RTN4: variants seen among roughly 807,000 people sequenced by gnomAD.
The protein encoded by RTN4 is reticulon-4.
Under a neutral mutation model 90.4 loss-of-function variants are expected in RTN4, and 32 were observed. The observed-to-expected ratio is 0.35, with a 90% CI of 0.27 to 0.48. The LOEUF is 0.48. Among genes scored for constraint, RTN4 ranks in the 20% least tolerant of loss-of-function variants. RTN4 has a pLI of 0.99. For missense variants in RTN4, 1,706 were observed against 1,430.2 expected (o/e 1.19, Z -3.11); for synonymous variants, 629 against 552.5 (o/e 1.14, Z -1.94).
intron 4 of RTN4, among the ~76,000 whole-genome samples, chr2:54,985,542 C>A (rs1678492142): frequency 6.6e-6 from 1 of 152,148 alleles, no homozygotes; most frequent in South Asian, 2.1e-4. Flanking sequence ...AGTGATACCA[C>A]CTATCTCACA....
chr2:55,055,129 C>T (rs895489286), upstream of RTN4, among the ~76,000 whole-genome samples: 15 of 151,984 alleles, frequency 9.9e-5, no homozygotes, highest in South Asian at 2.1e-3. Flanking sequence ...CGGTCCCCTG[C>T]ATTATTAGAA....
At chr2:55,024,672 C>T (rs989483465) in intron 3 of RTN4, among the ~76,000 whole-genome samples, 5 of 152,016 alleles carry the variant, frequency 3.3e-5, no homozygotes, top group African/African-American at 7.2e-5. Flanking sequence ...ATATTTAAAA[C>T]ATACTATAGA....
chr2:55,035,640 A>G (rs945396022), intron 1 of RTN4, among the ~76,000 whole-genome samples: 6 of 152,138 alleles, frequency 3.9e-5, no homozygotes, highest in African/African-American at 1.4e-4. Context: ...AAAAAAATCA[A>G]TGAAACAAAA....
At chr2:55,097,080 G>A (rs1244726776) in intron 1 of RTN4, among the ~76,000 whole-genome samples, 1 of 151,658 alleles carries the variant, frequency 6.6e-6, no homozygotes, top group African/African-American at 2.4e-5. Context: ...AAAGAAAAAA[G>A]TTCACCAAGC....
At chr2:55,030,620 G>A (rs1299589011) in intron 1 of RTN4, among the ~76,000 whole-genome samples, 1 of 152,144 alleles carries the variant, frequency 6.6e-6, no homozygotes, top group Admixed American at 6.5e-5. Context: ...GTGAAGGAGG[G>A]AGAGGGAAAG....
Position 55,070,218 on chromosome 2 carries a change from G to A in RTN4, c.-63+10271C>T, listed in dbSNP as rs543233186. 5.3e-5 allele frequency among the ~76,000 whole-genome samples: 8 copies of A among 152,056 alleles called. No homozygotes were observed. The East Asian group carries it at 1.5e-3, about 29-fold the overall frequency. ...GATCACCAGCTGCTACTCACTAGATGCCAGTAATACTCCAGTAATACACCC... is the reference window on the plus strand; with the variant it reads ...GATCACCAGCTGCTACTCACTAGATACCAGTAATACTCCAGTAATACACCC... On this transcript the variant is annotated intron_variant, in intron 2 of 3. Transcript: ENST00000427710.
In RTN4 at chr2:55,002,820, C is replaced by A. The variant is rs549387079; in HGVS notation, c.3014-15122G>T. Among the ~76,000 whole-genome samples, 23 of 152,280 alleles carry A rather than the reference C, an allele frequency of 1.5e-4. No homozygotes were observed. The East Asian group carries it at 4.4e-3, about 29-fold the overall frequency. ...GTAAAGAATGTTAAAATGAGAACTT[C>A]TCCTATGACAAGTCTGTATTTCTGA... On this transcript the variant is annotated intron_variant, in intron 3 of 8. Coordinates refer to ENST00000337526, the MANE Select transcript of RTN4 (RefSeq NM_020532.5).
the RTN4 span, among the ~76,000 whole-genome samples, chr2:55,130,416 T>C: frequency 1.2e-4 from 19 of 152,162 alleles, no homozygotes. Context: ...GTTAATTAGG[T>C]TGATTGTGTT....
intron 1 of RTN4, among the ~76,000 whole-genome samples, chr2:55,110,630 G>A (rs962566424): frequency 3.3e-5 from 5 of 152,100 alleles, no homozygotes; most frequent in Non-Finnish European, 7.4e-5. Context: ...GCGCATATAC[G>A]TCCATTTGGA....
chr2:55,036,968 C>A (rs76254081), intron 1 of RTN4, among the ~76,000 whole-genome samples: 1 of 152,158 alleles, frequency 6.6e-6, no homozygotes, highest in Non-Finnish European at 1.5e-5. Context: ...GACAACAGGA[C>A]TGTATAGTTG....
At chr2:54,983,576 T>C (rs1678316767) in intron 4 of RTN4, among the ~76,000 whole-genome samples, 1 of 152,180 alleles carries the variant, frequency 6.6e-6, no homozygotes, top group Non-Finnish European at 1.5e-5. Context: ...TCCCATAGTT[T>C]TACCTCTGCA....
rs1573449922 is a variant in RTN4, at chr2:55,038,400, T to C, written c.557-10180A>G. ...AGACCAAAGATTTGTATTCATAATA[T>C]ATAGAGAGAACTCTTACAAATATGT... On this transcript the variant is annotated intron_variant, in intron 1 of 8. Transcript: ENST00000337526. Among the ~76,000 whole-genome samples the C allele has an allele frequency of 2.0e-5, 3 of 152,122 alleles. No individual in the cohort carries two copies. The South Asian group carries it at 6.2e-4, about 32-fold the overall frequency.
At chr2:54,982,874 C>A (rs1167741916) in intron 4 of RTN4, among the ~76,000 whole-genome samples, 2 of 152,166 alleles carry the variant, frequency 1.3e-5, no homozygotes, top group East Asian at 1.9e-4. Context: ...TGAAGCCAGA[C>A]TGATCTGGGC....
chr2:55,062,868 C>T (rs60109716), intron 2 of RTN4, among the ~76,000 whole-genome samples: 2,702 of 152,302 alleles, frequency 0.018, 80 homozygotes, highest in African/African-American at 0.062. Context: ...CAATTTTTAA[C>T]AGTGTGTATA....
the RTN4 span, among the ~76,000 whole-genome samples, chr2:55,121,450 A>G: frequency 6.6e-6 from 1 of 152,180 alleles, no homozygotes. Flanking sequence ...CATTACCACT[A>G]TTTCTCCTTC....
chr2:54,975,188 T>A (rs1170693384), intron 5 of RTN4, among the ~76,000 whole-genome samples: 1 of 152,242 alleles, frequency 6.6e-6, no homozygotes, highest in African/African-American at 2.4e-5. Flanking sequence ...ATATCTCAGC[T>A]GATAAGCAAT....
At chr2:55,015,712 ATATT>A (rs1680983295) in intron 3 of RTN4, among the ~76,000 whole-genome samples, 2 of 152,214 alleles carry the variant, frequency 1.3e-5, no homozygotes, top group African/African-American at 4.8e-5. Context: ...GTCCAGAAGA[ATATT>A]TAAGGAACGA....
In RTN4 at chr2:55,050,078, C is replaced by G. The variant is rs1288530128; in HGVS notation, c.223G>C (p.Gly75Arg). The part of the protein sequence containing the change: ...AAPVPTAPAA[G>R]APLMDFGNDF... ...TTTCCGAAGTCCATCAGGGGCGCGC[C>G]GGCGGCAGGGGCGGTGGGCACTGGG... The change falls in exon 1 of 9, where the codon GGC (glycine) becomes CGC (arginine). Residue 75 changes from glycine (G) to arginine (R), a missense_variant. Physicochemically the swap from Gly to Arg is moderately radical, Grantham distance 125 (BLOSUM62 -2). Coordinates refer to ENST00000337526, the MANE Select transcript of RTN4 (RefSeq NM_020532.5). This position sits in a 1 kb window ranked among gnomAD's most constrained non-coding sequence, Gnocchi z 4.6. 12 of 1,453,558 alleles carry G rather than the reference C, an allele frequency of 8.3e-6. No individual in the cohort carries two copies. Among genetic ancestry groups the G allele is most frequent in the Non-Finnish European group, 9.9e-6 (11 of 1,108,436 alleles). 90.0% of individuals were successfully genotyped at this position (1,453,558 alleles called of 1,614,324 possible).
At chr2:54,999,584 C>T (rs981781467) in intron 3 of RTN4, among the ~76,000 whole-genome samples, 9 of 151,542 alleles carry the variant, frequency 5.9e-5, no homozygotes, top group Non-Finnish European at 1.3e-4. Context: ...TTTAATAATG[C>T]CAGGTGAGGA....
Sources: allele counts gnomAD v4.1 joint callset (sites outside exome capture counted in the v4.1 genomes callset), GRCh38; gene constraint gnomAD v4.1.1; non-coding constraint Gnocchi (gnomAD v3.1); transcripts MANE v1.5; gene names NCBI Gene and HGNC (gene_info 2026-07-23, HGNC 2026-07-21).